The following GALNTL6 variants were observed in gnomAD, a reference collection of about 807,000 sequenced individuals.
GALNTL6 encodes polypeptide N-acetylgalactosaminyltransferase like 6, also known as polypeptide N-acetylgalactosaminyltransferase-like 6.
GALNTL6 carries 46 observed loss-of-function variants against 73.7 expected under a neutral mutation model. The ratio of observed to expected loss-of-function variants is 0.62; its 90% CI spans 0.49 to 0.80. GALNTL6 has a LOEUF of 0.80. GALNTL6 is among the 30% of genes least tolerant of loss of function. The pLI, the probability that GALNTL6 is intolerant of heterozygous loss-of-function variation, is 0.00. For missense variants in GALNTL6, 604 were observed against 755.0 expected (o/e 0.80, Z 2.34); for synonymous variants, 259 against 263.7 (o/e 0.98, Z 0.17).
chr4:172,985,291 G>A (rs1751243917), intron 10 of GALNTL6, among the ~76,000 whole-genome samples: 1 of 151,830 alleles, frequency 6.6e-6, no homozygotes. Flanking sequence ...CTTTTAAATT[G>A]TTTGGTGAGG....
At chr4:172,638,272 T>A (rs837221) in intron 5 of GALNTL6, among the ~76,000 whole-genome samples, 2,611 of 152,240 alleles carry the variant, frequency 0.017, 75 homozygotes, top group African/African-American at 0.057. Context: ...GACAAGAAGC[T>A]AGATTGGCAG....
Position 173,022,084 on chromosome 4 carries a change from AAG to A in GALNTL6, c.1638+460_1638+461del, listed in dbSNP as rs1753025906. Among the ~76,000 whole-genome samples, 7 of 133,512 alleles carry A rather than the reference AAG, an allele frequency of 5.2e-5. No individual in the cohort carries two copies. The East Asian group carries it at 8.4e-4, about 16-fold the overall frequency. 87.6% of individuals were successfully genotyped at this position (133,512 alleles called of 152,430 possible). ...GAAGGAAGGAAGGAAGGAAGGAAGG[AAG>A]GAAAGAAGGAAGGAAGGAAGGAAAG... On this transcript the variant is annotated intron_variant, in intron 12 of 12. Coordinates refer to ENST00000506823, the MANE Select transcript of GALNTL6 (RefSeq NM_001034845.3).
In GALNTL6 at chr4:173,027,605, T is replaced by C. The variant is rs181518584; in HGVS notation, c.1638+5980T>C. 1.4e-3 allele frequency among the ~76,000 whole-genome samples: 208 copies of C among 152,292 alleles called. 1 individual carries two copies. The highest frequency in any genetic ancestry group is 4.8e-3 in the African/African-American group (198 of 41,578). On this transcript the variant is annotated intron_variant, in intron 12 of 12. Coordinates refer to ENST00000506823, the MANE Select transcript of GALNTL6 (RefSeq NM_001034845.3). ...AACCCACAACTACCATCACTCTTAG[T>C]GGTGAAATGTTAAAGCTCTCCTCCA...
chr4:172,919,583 A>G (rs1203073331), intron 8 of GALNTL6, among the ~76,000 whole-genome samples: 3 of 152,214 alleles, frequency 2.0e-5, no homozygotes, highest in African/African-American at 7.2e-5. Context: ...AAAAGAAGGA[A>G]GGTTCTGTTC....
intron 2 of GALNTL6, among the ~76,000 whole-genome samples, chr4:172,017,594 C>G (rs545160441): frequency 6.6e-6 from 1 of 152,210 alleles, no homozygotes; most frequent in East Asian, 1.9e-4. Context: ...CAGACGTTCC[C>G]TACTATACCC....
intron 9 of GALNTL6, among the ~76,000 whole-genome samples, chr4:172,942,364 A>G (rs6852770): frequency 0.092 from 13,996 of 152,282 alleles, 763 homozygotes; most frequent in Non-Finnish European, 0.12. Context: ...GTTTGTTTGA[A>G]TGCTTGCTGT....
At chr4:172,845,154 G>C (rs1266682740) in intron 7 of GALNTL6, among the ~76,000 whole-genome samples, 1 of 150,806 alleles carries the variant, frequency 6.6e-6, no homozygotes, top group Non-Finnish European at 1.5e-5. Flanking sequence ...GGAGGCGGAG[G>C]TTGCAGTGAG....
At chr4:172,268,900 A>G (rs1409285723) in intron 3 of GALNTL6, among the ~76,000 whole-genome samples, 1 of 152,154 alleles carries the variant, frequency 6.6e-6, no homozygotes, top group Non-Finnish European at 1.5e-5. Flanking sequence ...CACAGTCTTT[A>G]GAACTGTGAG....
At chr4:172,813,420 C>T in intron 6 of GALNTL6, 120 bp from the exon 7 acceptor site, 1 of 705,926 alleles carries the variant, frequency 1.4e-6, no homozygotes, top group Non-Finnish European at 2.3e-6. Flanking sequence ...CTAAGGAGGA[C>T]AGGGAGCCAC....
At chr4:173,018,118 C>T (rs1190583754) in intron 11 of GALNTL6, among the ~76,000 whole-genome samples, 1 of 152,128 alleles carries the variant, frequency 6.6e-6, no homozygotes, top group African/African-American at 2.4e-5. Context: ...TCAATCAAGA[C>T]CACTTGTTCC....
intron 2 of GALNTL6, among the ~76,000 whole-genome samples, chr4:171,827,937 G>C (rs893045052): frequency 1.3e-5 from 2 of 151,898 alleles, no homozygotes; most frequent in African/African-American, 4.8e-5. Context: ...AAACCATGTA[G>C]TCTAGTAATA....
intron 11 of GALNTL6, among the ~76,000 whole-genome samples, chr4:173,013,544 C>T (rs1040781210): frequency 2.6e-5 from 4 of 151,842 alleles, no homozygotes; most frequent in Non-Finnish European, 5.9e-5. Flanking sequence ...GGTTCACTCC[C>T]CGCACCCCCC....
At chr4:172,249,623 C>T (rs114718665) in intron 3 of GALNTL6, among the ~76,000 whole-genome samples, 2 of 152,154 alleles carry the variant, frequency 1.3e-5, no homozygotes, top group African/African-American at 4.8e-5. Flanking sequence ...CTGCTCTGTG[C>T]AGTCTCAGGA....
rs28513359 is a variant in GALNTL6 at position 171,842,265 on chromosome 4, G to A, written c.138+27547G>A. Among the ~76,000 whole-genome samples, 1,179 of 152,110 alleles carry A rather than the reference G, an allele frequency of 7.8e-3. 15 individuals are homozygous for A. Among genetic ancestry groups the A allele is most frequent in the African/African-American group, 0.027 (1,112 of 41,500 alleles). ...TGAAGCCCCACAAATATTAAGGGTT[G>A]GCCTGTCCTTAAAATTTTTAGTTGT... On this transcript the variant is annotated intron_variant, in intron 2 of 12. Coordinates refer to ENST00000506823, the MANE Select transcript of GALNTL6 (RefSeq NM_001034845.3).
At chr4:172,318,662 A>T (rs1578950358) in intron 4 of GALNTL6, among the ~76,000 whole-genome samples, 1 of 152,174 alleles carries the variant, frequency 6.6e-6, no homozygotes, top group Non-Finnish European at 1.5e-5. Context: ...AGATCGCACC[A>T]TTGCACTCTG....
At chr4:172,131,245 C>A (rs11132928) in intron 2 of GALNTL6, among the ~76,000 whole-genome samples, 71,755 of 150,656 alleles carry the variant, frequency 0.48, 17,818 homozygotes, top group African/African-American at 0.6. Context: ...AAAACAAATA[C>A]GAAATCTCTT....
intron 7 of GALNTL6, among the ~76,000 whole-genome samples, chr4:172,880,406 C>A (rs1424374034): frequency 6.6e-6 from 1 of 151,948 alleles, no homozygotes; most frequent in Non-Finnish European, 1.5e-5. Flanking sequence ...ACAGACCCCC[C>A]AAAAAATGTA....
At chr4:172,572,970 T>A (rs1048878112) in intron 5 of GALNTL6, among the ~76,000 whole-genome samples, 1 of 152,120 alleles carries the variant, frequency 6.6e-6, no homozygotes, top group Non-Finnish European at 1.5e-5. Flanking sequence ...CCTTTGACCT[T>A]AGTAAATATC....
intron 5 of GALNTL6, among the ~76,000 whole-genome samples, chr4:172,550,897 A>G (rs1017081054): frequency 4.6e-5 from 7 of 152,206 alleles, no homozygotes; most frequent in Admixed American, 2.0e-4. Context: ...GAGCTTTTAT[A>G]AAAAGACTAC....
Sources: gnomAD v4.1 joint callset for allele counts (sites outside exome capture counted in the v4.1 genomes callset) on GRCh38, gnomAD v4.1.1 for gene constraint, MANE v1.5 for transcripts, NCBI Gene and HGNC (gene_info 2026-07-23, HGNC 2026-07-21) for gene names.